Variants in HNRNPL observed in about 807,000 individuals in gnomAD.
HNRNPL encodes heterogeneous nuclear ribonucleoprotein L, also known as epididymis secretory sperm binding protein.
HNRNPL carries 12 observed loss-of-function variants against 64.0 expected under a neutral mutation model. The ratio of observed to expected loss-of-function variants is 0.19; its 90% confidence interval spans 0.12 to 0.30. The LOEUF is 0.30. HNRNPL is among the 10% of genes least tolerant of loss of function. HNRNPL has a pLI of 1.00. For synonymous variants in HNRNPL, 385 were observed against 313.0 expected, an observed-to-expected ratio of 1.23 and a Z score of -2.43; for missense variants, 484 against 797.4, an observed-to-expected ratio of 0.61 and a Z score of 4.73.
upstream of HNRNPL, among the ~76,000 whole-genome samples, chr19:38,851,646 C>A (rs1296562626): frequency 6.6e-6 from 1 of 152,188 alleles, no homozygotes; most frequent in Admixed American, 6.5e-5. Flanking sequence ...CACCTGTAAT[C>A]CCAGCACTTG....
chr19:38,837,387 G>A lies in HNRNPL; in HGVS notation c.1708C>T (p.Pro570Ser), dbSNP rs755291333. The change falls in exon 12 of 13, where the codon CCA becomes TCA. Residue 570 changes from proline to serine, a missense_variant. Physicochemically the swap from Pro to Ser is moderately conservative, Grantham distance 74. Coordinates refer to ENST00000221419, the MANE Select transcript of HNRNPL (RefSeq NM_001533.3). ...TGCAGGACACACAGATACTCACTTGGGTTTTTCATCTGGTAATGGTTCAGG... is the reference window on the plus strand; with the variant it reads ...TGCAGGACACACAGATACTCACTTGAGTTTTTCATCTGGTAATGGTTCAGG... ...GFLNHYQMKN[P>S]NGPYPYTLKL... 2.5e-6 allele frequency: 4 copies of A among 1,612,974 alleles called. No homozygotes were observed. The highest frequency in any genetic ancestry group is 3.4e-6 in the Non-Finnish European group (4 of 1,178,980).
At chr19:38,848,311 T>C (rs941400591) in intron 1 of HNRNPL, among the ~76,000 whole-genome samples, 1 of 152,188 alleles carries the variant, frequency 6.6e-6, no homozygotes, top group Non-Finnish European at 1.5e-5. Flanking sequence ...CAGGCTGTTC[T>C]CGAACTCCTG....
intron 8 of HNRNPL, 63 bp downstream of exon 8, chr19:38,840,033 C>G: frequency 1.3e-6 from 2 of 1,538,758 alleles, no homozygotes; most frequent in Non-Finnish European, 1.8e-6. Context: ...CTGGTTCTTT[C>G]CCGTGCTGAC....
chr19:38,846,728 G>A (rs1365411339), intron 2 of HNRNPL, among the ~76,000 whole-genome samples: 1 of 152,096 alleles, frequency 6.6e-6, no homozygotes, highest in Non-Finnish European at 1.5e-5. Flanking sequence ...CTAACACAGC[G>A]AAACCCCATC....
chr19:38,836,665 G>A lies in HNRNPL; in HGVS notation c.*57C>T. 1.9e-6 allele frequency: 2 copies of A among 1,074,544 alleles called. No individual in the cohort carries two copies. The highest frequency in any genetic ancestry group is 2.6e-5 in the East Asian group (1 of 38,834). The allele number at this position is 1,074,544 out of a possible 1,614,324, so 66.6% of individuals were successfully genotyped here. ...TTGCAAATAACAAAAACAAAAAATG[G>A]CATAAAGGAAAGAGAAATGTCTTCC... On this transcript the variant is annotated 3_prime_UTR_variant, in exon 13 of 13. Coordinates refer to ENST00000221419, the MANE Select transcript of HNRNPL (RefSeq NM_001533.3).
intron 10 of HNRNPL, among the ~76,000 whole-genome samples, 168 bp downstream of exon 10, chr19:38,838,227 TGA>T (rs1225014599): frequency 2.0e-5 from 3 of 152,218 alleles, no homozygotes; most frequent in African/African-American, 7.2e-5. Flanking sequence ...CTGTCCAGTT[TGA>T]GAGCACAGAT....
chr19:38,844,195 C>T lies in HNRNPL; in HGVS notation c.711-91G>A, dbSNP rs190537736. On this transcript the variant is annotated intron_variant, in intron 4 of 12. Coordinates refer to ENST00000221419, the MANE Select transcript of HNRNPL (RefSeq NM_001533.3). ...GTGTGATAAGGACAAGGTAGCACCC[C>T]AAGACTGTGGTACAGACGGAAGCTT... The T allele has an allele frequency of 4.1e-4, 332 of 805,866 alleles. 1 individual carries two copies. The East Asian group carries it at 7.7e-3, about 19-fold the overall frequency. 49.9% of individuals were successfully genotyped at this position (805,866 alleles called of 1,614,324 possible).
chr19:38,847,961 A>C (rs1000761400), intron 1 of HNRNPL, among the ~76,000 whole-genome samples: 3 of 152,150 alleles, frequency 2.0e-5, no homozygotes, highest in Non-Finnish European at 4.4e-5. Context: ...AGGGCAAAAA[A>C]CAACACATGC....
intron 1 of HNRNPL, among the ~76,000 whole-genome samples, chr19:38,848,258 T>C (rs955459701): frequency 2.0e-5 from 3 of 151,918 alleles, no homozygotes; most frequent in Admixed American, 2.0e-4. Context: ...ACCTGGCTAA[T>C]TTTTTTGTAT....
At chr19:38,846,403 G>A (rs932122808) in intron 2 of HNRNPL, among the ~76,000 whole-genome samples, 1 of 152,184 alleles carries the variant, frequency 6.6e-6, no homozygotes, top group African/African-American at 2.4e-5. Context: ...TCTAAGAGAA[G>A]CATCCAGATA....
chr19:38,839,095 T>TA, intron 8 of HNRNPL, 80 bp from the exon 9 acceptor site: 1 of 1,566,096 alleles, frequency 6.4e-7, no homozygotes, highest in Non-Finnish European at 8.7e-7. Context: ...TTAGTGATAA[T>TA]AACCCCTGCT....
At chr19:38,846,281 G>A (rs1972292914) in intron 2 of HNRNPL, among the ~76,000 whole-genome samples, 191 bp from the exon 3 acceptor site, 2 of 152,142 alleles carry the variant, frequency 1.3e-5, no homozygotes, top group African/African-American at 4.8e-5. Flanking sequence ...GAGCCATCAT[G>A]TCCCTCTGGG....
intron 6 of HNRNPL, among the ~76,000 whole-genome samples, chr19:38,843,020 T>G (rs752487749): frequency 3.9e-5 from 6 of 152,176 alleles, no homozygotes; most frequent in Non-Finnish European, 7.4e-5. Context: ...TAGCCCACCC[T>G]GCCCACTGCT....
intron 9 of HNRNPL, 48 bp from the exon 10 acceptor site, chr19:38,838,646 C>T: frequency 6.4e-7 from 1 of 1,570,210 alleles, no homozygotes; most frequent in South Asian, 1.1e-5. Flanking sequence ...AAAGTTGTCC[C>T]TGAAGCTTTC....
intron 12 of HNRNPL, 58 bp from the exon 13 acceptor site, chr19:38,836,838 G>C (rs912288732): frequency 4.7e-5 from 63 of 1,333,422 alleles, no homozygotes; most frequent in Admixed American, 4.4e-4. Context: ...CCAAACCCAG[G>C]TCCCCTCAAG....
At chr19:38,850,745 T>A (rs1453599338), upstream of HNRNPL, among the ~76,000 whole-genome samples, 1 of 152,214 alleles carries the variant, frequency 6.6e-6, no homozygotes, top group Non-Finnish European at 1.5e-5. Flanking sequence ...CCGTGTTCAT[T>A]TCTACCTCTA....
intron 6 of HNRNPL, among the ~76,000 whole-genome samples, chr19:38,842,546 T>C (rs554171236): frequency 6.6e-6 from 1 of 152,236 alleles, no homozygotes; most frequent in South Asian, 2.1e-4. Context: ...GTGGTGTTCT[T>C]GATGTAGTGA....
At chr19:38,845,544 AGCCAC>A in intron 4 of HNRNPL, 101 bp downstream of exon 4, 3 of 875,350 alleles carry the variant, frequency 3.4e-6, no homozygotes, top group Non-Finnish European at 5.7e-6. Flanking sequence ...GGCACATGGC[AGCCAC>A]TCCCGTGGTC....
At chr19:38,845,593 G>A in intron 4 of HNRNPL, 57 bp downstream of exon 4, 3 of 1,410,680 alleles carry the variant, frequency 2.1e-6, no homozygotes, top group African/African-American at 2.8e-5. Flanking sequence ...AATGGCCACT[G>A]TCAAGCCCTG....
Sources: allele counts gnomAD v4.1 joint callset (sites outside exome capture counted in the v4.1 genomes callset), GRCh38; gene constraint gnomAD v4.1.1; transcripts MANE v1.5; gene names NCBI Gene and HGNC (gene_info 2026-07-23, HGNC 2026-07-21).